BMPR1B: variants seen among roughly 807,000 people sequenced by gnomAD.
BMPR1B encodes the protein bone morphogenetic protein receptor type-1B.
Under a neutral mutation model 59.1 loss-of-function variants are expected in BMPR1B, and 12 were observed. The observed-to-expected ratio is 0.20, with a 90% CI of 0.13 to 0.33. BMPR1B has a LOEUF of 0.33. BMPR1B is among the 10% of genes least tolerant of loss of function. The pLI is 1.00. For missense variants in BMPR1B, 550 were observed against 610.9 expected (o/e 0.90, Z 1.05); for synonymous variants, 237 against 207.3 (o/e 1.14, Z -1.23).
chr4:94,870,823 C>A (rs1726457732), intron 1 of BMPR1B, among the ~76,000 whole-genome samples: 1 of 152,056 alleles, frequency 6.6e-6, no homozygotes, highest in Non-Finnish European at 1.5e-5. Context: ...GGGTACCCTG[C>A]CTCAGAGTTT....
chr4:94,799,306 T>A lies in BMPR1B; in HGVS notation c.-183+41238T>A, dbSNP rs376534738. On this transcript the variant is annotated intron_variant, in intron 1 of 12. Coordinates refer to ENST00000515059, the MANE Select transcript of BMPR1B (RefSeq NM_001203.3). The stretch of plus-strand genomic sequence containing the variant: ...TTCTGTCTGTCTTTGGGTGACTGTT[T>A]TTTTTTTTTTTCCTGGAGACACAGT... Among the ~76,000 whole-genome samples, 9 of 151,108 alleles carry A rather than the reference T, an allele frequency of 6.0e-5. No homozygotes were observed. The East Asian group carries it at 1.2e-3, about 20-fold the overall frequency.
chr4:95,047,204 A>G (rs1726120982), intron 3 of BMPR1B, among the ~76,000 whole-genome samples: 1 of 152,208 alleles, frequency 6.6e-6, no homozygotes, highest in Admixed American at 6.5e-5. Context: ...ACAATGGTAT[A>G]TTACCAGCAA....
chr4:95,097,140 C>CTATA (rs70946588), intron 3 of BMPR1B, among the ~76,000 whole-genome samples: 103,276 of 145,018 alleles, frequency 0.71, 36,919 homozygotes, highest in Middle Eastern at 0.75. Flanking sequence ...TTATATATAA[C>CTATA]TAATATATAT....
At chr4:94,771,144 T>C (rs1225406667) in intron 1 of BMPR1B, among the ~76,000 whole-genome samples, 1 of 152,130 alleles carries the variant, frequency 6.6e-6, no homozygotes, top group African/African-American at 2.4e-5. Flanking sequence ...TACACACACA[T>C]ACAAACCCCG....
chr4:95,041,016 T>C lies in BMPR1B; in HGVS notation c.-18+44882T>C, dbSNP rs745909112. ...TTCCTTGGCACCTCACTCTCCTTAGTTGATTAGAAAGGTCTTTGAGAAAGT... is the reference window on the plus strand; with the variant it reads ...TTCCTTGGCACCTCACTCTCCTTAGCTGATTAGAAAGGTCTTTGAGAAAGT... On this transcript the variant is annotated intron_variant, in intron 3 of 12. Transcript: ENST00000515059. Among the ~76,000 whole-genome samples the C allele has an allele frequency of 9.9e-5, 15 of 152,142 alleles. 1 individual carries two copies. The highest frequency in any genetic ancestry group is 4.6e-4 in the Admixed American group (7 of 15,278).
At chr4:95,026,098 A>ATTTCTTTCTTTCCTTTC (rs1455953912) in intron 3 of BMPR1B, among the ~76,000 whole-genome samples, 5 of 101,622 alleles carry the variant, frequency 4.9e-5, no homozygotes, top group African/African-American at 7.3e-5. Context: ...GCTTTCTTTC[A>ATTTCTTTCTTTCCTTTC]TTTCTTTCTT....
At chr4:95,042,900 G>T (rs552976365) in intron 3 of BMPR1B, among the ~76,000 whole-genome samples, 3 of 152,050 alleles carry the variant, frequency 2.0e-5, no homozygotes, top group Non-Finnish European at 2.9e-5. Context: ...CCTCGGCCGG[G>T]CGCGGTGGCT....
At chr4:95,122,197 C>T (rs142902102) in intron 6 of BMPR1B, among the ~76,000 whole-genome samples, 169 of 152,052 alleles carry the variant, frequency 1.1e-3, no homozygotes, top group Non-Finnish European at 1.4e-3. Flanking sequence ...ATAAGTGGGG[C>T]GTGGTGGCTC....
intron 3 of BMPR1B, among the ~76,000 whole-genome samples, chr4:95,056,153 T>C (rs1252533430): frequency 6.6e-6 from 1 of 152,218 alleles, no homozygotes; most frequent in Non-Finnish European, 1.5e-5. Context: ...TTTCTTATGC[T>C]GCATTTTAGG....
At chr4:95,116,240 C>T (rs749747166) in intron 6 of BMPR1B, among the ~76,000 whole-genome samples, 2 of 151,828 alleles carry the variant, frequency 1.3e-5, no homozygotes, top group Non-Finnish European at 2.9e-5. Flanking sequence ...TTAGTCAAAT[C>T]GTATCAATAT....
rs1560569073 is a variant in BMPR1B at position 94,962,066 on chromosome 4, CTTTT to C, written c.-112-33973_-112-33970del. ...TATTCTTTCTTTCTTTCTTTTCTTT[CTTTT>C]CTTTCCTTCCTTCCTTCCTTCCTTC... On this transcript the variant is annotated intron_variant, in intron 2 of 12. Transcript: ENST00000515059. Among the ~76,000 whole-genome samples the C allele has an allele frequency of 4.3e-3, 606 of 139,406 alleles. 2 individuals carry two copies. The highest frequency in any genetic ancestry group is 0.015 in the African/African-American group (515 of 34,772). The allele number at this position is 139,406 out of a possible 152,430, so 91.5% of individuals were successfully genotyped here. A position where few individuals can be genotyped will look rare whatever the true frequency, so the allele number is the denominator to read the frequency against.
intron 6 of BMPR1B, among the ~76,000 whole-genome samples, chr4:95,117,075 A>C (rs931575979): frequency 3.3e-5 from 5 of 152,138 alleles, no homozygotes; most frequent in Admixed American, 2.6e-4. Context: ...GGCTGGCTCT[A>C]CCTGGGGGAG....
chr4:95,141,702 A>G (rs1734242041), intron 10 of BMPR1B, among the ~76,000 whole-genome samples: 1 of 152,112 alleles, frequency 6.6e-6, no homozygotes, highest in South Asian at 2.1e-4. Flanking sequence ...TTCACTCTTC[A>G]CTCTGAAGAA....
chr4:95,078,957 C>T (rs1362513122), intron 3 of BMPR1B, among the ~76,000 whole-genome samples: 2 of 152,048 alleles, frequency 1.3e-5, no homozygotes, highest in Non-Finnish European at 1.5e-5. Context: ...CAGGGATTCA[C>T]CATGTTGCCC....
At chr4:94,828,155 T>C (rs1157585402) in intron 1 of BMPR1B, among the ~76,000 whole-genome samples, 2 of 152,296 alleles carry the variant, frequency 1.3e-5, no homozygotes, top group East Asian at 3.9e-4. Flanking sequence ...AAATTTAAAA[T>C]AGTGTTAAAT....
chr4:95,084,393 A>C (rs546032328), intron 3 of BMPR1B, among the ~76,000 whole-genome samples: 164 of 151,686 alleles, frequency 1.1e-3, no homozygotes, highest in African/African-American at 3.8e-3. Flanking sequence ...CATTTTTTTC[A>C]TGTAAATGAT....
chr4:94,855,037 C>A (rs1355899927), intron 1 of BMPR1B, among the ~76,000 whole-genome samples: 10 of 152,028 alleles, frequency 6.6e-5, no homozygotes, highest in Non-Finnish European at 1.5e-4. Flanking sequence ...CCATAATAAT[C>A]TAGGTGCAAA....
At chr4:94,995,778 G>A (rs1346106740) in intron 2 of BMPR1B, 1 of 152,204 alleles carries the variant, frequency 6.6e-6, no homozygotes, top group Non-Finnish European at 1.5e-5. Context: ...GCTGGGTAGT[G>A]AGCCAATCCA....
chr4:94,807,780 G>A (rs533060937), intron 1 of BMPR1B, among the ~76,000 whole-genome samples: 1 of 152,166 alleles, frequency 6.6e-6, no homozygotes, highest in Non-Finnish European at 1.5e-5. Context: ...TTCCTCCCGG[G>A]TTCAAGAGAT....
Sources: allele counts gnomAD v4.1 joint callset (sites outside exome capture counted in the v4.1 genomes callset), GRCh38; gene constraint gnomAD v4.1.1; transcripts MANE v1.5; gene names NCBI Gene and HGNC (gene_info 2026-07-23, HGNC 2026-07-21).